Variants in CEP128 observed in about 807,000 individuals in gnomAD.
CEP128 encodes centrosomal protein 128kDa.
In CEP128, 132 loss-of-function variants were observed where a neutral mutation model predicts 156.7. The ratio of observed to expected loss-of-function variants is 0.84; its 90% confidence interval spans 0.73 to 0.97. CEP128 has a LOEUF of 0.97. Ranked by LOEUF, CEP128 falls within the 50% of genes least tolerant of loss-of-function variation. The pLI is 0.00. For missense variants in CEP128, 1,252 were observed against 1,281.9 expected (o/e 0.98, Z 0.36); for synonymous variants, 469 against 448.9 (o/e 1.04, Z -0.57).
At chr14:80,676,946 T>A (rs1371495610) in intron 19 of CEP128, among the ~76,000 whole-genome samples, 1 of 152,164 alleles carries the variant, frequency 6.6e-6, no homozygotes, top group Non-Finnish European at 1.5e-5. Context: ...GAAATGAGCC[T>A]AAAATGCTCA....
chr14:80,902,679 T>C (rs887711946), intron 6 of CEP128, among the ~76,000 whole-genome samples: 2 of 152,182 alleles, frequency 1.3e-5, no homozygotes, highest in African/African-American at 4.8e-5. Context: ...CAGAAATCTT[T>C]AGTGAATAAA....
intron 9 of CEP128, among the ~76,000 whole-genome samples, chr14:80,851,734 A>G (rs949546174): frequency 6.6e-6 from 1 of 152,090 alleles, no homozygotes; most frequent in African/African-American, 2.4e-5. Context: ...CCATTAATTT[A>G]TAAGATAAAG....
Position 80,832,088 on chromosome 14 carries a change from G to A in CEP128, c.1058-794C>T, listed in dbSNP as rs150477695. ...AGATCTGATGGTTTTATAAAGGAGA[G>A]TTCCCCTACACAAGCTCTATTCCCT... On this transcript the variant is annotated intron_variant, in intron 12 of 24. Transcript: ENST00000555265. 1.1e-3 allele frequency among the ~76,000 whole-genome samples: 174 copies of A among 152,224 alleles called. 1 individual carries two copies. In the East Asian group the frequency reaches 0.023, roughly 20 times the overall value.
chr14:80,685,076 T>C (rs907275355), intron 19 of CEP128, among the ~76,000 whole-genome samples: 3 of 151,996 alleles, frequency 2.0e-5, no homozygotes, highest in Non-Finnish European at 2.9e-5. Context: ...CTATTCAACA[T>C]AGTAATAGAA....
chr14:80,516,220 A>AGG (rs1028458494), intron 23 of CEP128, among the ~76,000 whole-genome samples: 5 of 152,096 alleles, frequency 3.3e-5, no homozygotes, highest in Non-Finnish European at 5.9e-5. Context: ...TTCAACAAAG[A>AGG]GGGTTCTCTT....
chr14:80,762,119 C>G lies in CEP128; in HGVS notation c.2377-506G>C, dbSNP rs1400178100. Among the ~76,000 whole-genome samples the G allele has an allele frequency of 2.6e-5, 4 of 152,024 alleles. No individual in the cohort carries two copies. In the East Asian group the frequency reaches 7.7e-4, roughly 29 times the overall value. On this transcript the variant is annotated intron_variant, in intron 16 of 24. Coordinates refer to ENST00000555265, the MANE Select transcript of CEP128 (RefSeq NM_152446.5). Reference sequence around the variant, plus strand: ...TAAGTTTCAAATGCAATTGCATTTACCACATAAATGCTTTTGAGTCGTGAA... The same window carrying G: ...TAAGTTTCAAATGCAATTGCATTTAGCACATAAATGCTTTTGAGTCGTGAA...
chr14:80,830,475 T>A, intron 13 of CEP128: 1 of 333,154 alleles, frequency 3.0e-6, no homozygotes, highest in Non-Finnish European at 5.4e-6. Context: ...AAATGTGTCA[T>A]CCATGTTTAA....
downstream of CEP128, among the ~76,000 whole-genome samples, chr14:80,493,027 C>T (rs1887376302): frequency 6.6e-6 from 1 of 151,972 alleles, no homozygotes; most frequent in African/African-American, 2.4e-5. Context: ...AAGTATACAG[C>T]TAAGATGACA....
chr14:80,642,960 T>G (rs891276961), intron 19 of CEP128, among the ~76,000 whole-genome samples: 1 of 151,890 alleles, frequency 6.6e-6, no homozygotes, highest in African/African-American at 2.4e-5. Context: ...TTCACCGTGT[T>G]AGCCAGGATG....
chr14:80,536,813 T>C (rs909637364), intron 21 of CEP128, among the ~76,000 whole-genome samples: 2 of 152,206 alleles, frequency 1.3e-5, no homozygotes, highest in Non-Finnish European at 2.9e-5. Context: ...TGTGTATTTC[T>C]TGGGATATCA....
rs60764374 is a variant in CEP128, at chr14:80,578,048, T to C, written c.2856+2326A>G. 5.7e-3 allele frequency among the ~76,000 whole-genome samples: 864 copies of C among 152,330 alleles called. 6 individuals carry two copies. The highest frequency in any genetic ancestry group is 0.02 in the African/African-American group (825 of 41,584). On this transcript the variant is annotated intron_variant, in intron 20 of 24. Transcript: ENST00000555265. ...ATCGTACTTAATTCCCTGTCAGTTC[T>C]GCCAACCTACCCTTACCTATGACAA...
chr14:80,946,308 T>TTGATGCCTCATGATGCATCATGA (rs67406214), upstream of CEP128, among the ~76,000 whole-genome samples: 4,327 of 127,316 alleles, frequency 0.034, 360 homozygotes, highest in African/African-American at 0.13. Flanking sequence ...TATTAATACC[T>TTGATGCCTCATGATGCATCATGA]TGATGCCTCA....
chr14:80,818,507 T>A (rs1373738709), intron 13 of CEP128, among the ~76,000 whole-genome samples: 1 of 152,178 alleles, frequency 6.6e-6, no homozygotes, highest in Non-Finnish European at 1.5e-5. Context: ...GTGACTCCAA[T>A]CCCTGGCCAC....
intron 9 of CEP128, among the ~76,000 whole-genome samples, chr14:80,861,376 T>C (rs185319482): frequency 3.9e-5 from 6 of 152,176 alleles, no homozygotes; most frequent in Admixed American, 3.9e-4. Flanking sequence ...ATTGTAACTT[T>C]AACAGTGGAT....
intron 19 of CEP128, among the ~76,000 whole-genome samples, chr14:80,706,279 T>A (rs1473664556): frequency 6.6e-6 from 1 of 152,106 alleles, no homozygotes; most frequent in Non-Finnish European, 1.5e-5. Flanking sequence ...AAGAATGAAA[T>A]CTTACAAAGA....
intron 2 of CEP128, among the ~76,000 whole-genome samples, chr14:80,929,093 T>C (rs1290488702): frequency 1.3e-5 from 2 of 150,742 alleles, no homozygotes; most frequent in Non-Finnish European, 3.0e-5. Context: ...AAAGAAGATA[T>C]ACAAATGGCC....
At chr14:80,572,756 T>C (rs887287049) in intron 20 of CEP128, among the ~76,000 whole-genome samples, 1 of 152,168 alleles carries the variant, frequency 6.6e-6, no homozygotes, top group African/African-American at 2.4e-5. Flanking sequence ...CCAATGCCCA[T>C]GGAGCTCAGA....
At chr14:80,755,289 G>A (rs1899597540) in intron 18 of CEP128, among the ~76,000 whole-genome samples, 1 of 152,150 alleles carries the variant, frequency 6.6e-6, no homozygotes, top group Admixed American at 6.5e-5. Context: ...GTGGAACCTT[G>A]TGATCATGTG....
In CEP128 at chr14:80,904,817, G is replaced by GTCATA; in HGVS notation, c.471_475dup (p.Thr159IlefsTer2). The GTCATA allele has an allele frequency of 6.6e-7, 1 of 1,516,252 alleles. No individual in the cohort carries two copies. The highest frequency in any genetic ancestry group is 1.7e-4 in the Middle Eastern group (1 of 5,864). The allele number at this position is 1,516,252 out of a possible 1,614,324, so 93.9% of individuals were successfully genotyped here. A position where few individuals can be genotyped will look rare whatever the true frequency, so the allele number is the denominator to read the frequency against. ...TTACAGAATGGTACAAAGTACCTGA[G>GTCATA]TCATATCATCAGTCTCTTGAACAAA... On this transcript the variant is annotated stop_gained and frameshift_variant, in exon 6 of 25. Transcript: ENST00000555265. LOFTEE classifies it high-confidence loss of function.
Sources: gnomAD v4.1 joint callset for allele counts (sites outside exome capture counted in the v4.1 genomes callset) on GRCh38, gnomAD v4.1.1 for gene constraint, MANE v1.5 for transcripts, NCBI Gene and HGNC (gene_info 2026-07-23, HGNC 2026-07-21) for gene names.